The following SYNE2 variants were observed in gnomAD, a reference collection of about 807,000 sequenced individuals.
SYNE2 encodes spectrin repeat containing nuclear envelope protein 2.
A neutral mutation model predicts 856.3 loss-of-function variants in SYNE2; 431 were observed. The observed-to-expected ratio is 0.50, with a 90% CI of 0.47 to 0.55. SYNE2 has a LOEUF of 0.55. Among genes scored for constraint, SYNE2 ranks in the 20% least tolerant of loss-of-function variants. The probability of loss-of-function intolerance (pLI) is 0.00; values close to 1 mark genes in which losing one functional copy is unlikely to be tolerated. For missense variants in SYNE2, 8,129 were observed against 8,023.2 expected (o/e 1.01, Z -0.50); for synonymous variants, 2,923 against 2,872.3 (o/e 1.02, Z -0.56).
intron 2 of SYNE2, among the ~76,000 whole-genome samples, chr14:63,909,944 G>GTATA (rs1398106863): frequency 6.6e-6 from 1 of 152,222 alleles, no homozygotes; most frequent in Non-Finnish European, 1.5e-5. Context: ...ATGTGTGCAT[G>GTATA]TATATAAGTG....
chr14:63,853,569 C>A (rs923259632), intron 1 of SYNE2, among the ~76,000 whole-genome samples: 1 of 151,688 alleles, frequency 6.6e-6, no homozygotes, highest in Non-Finnish European at 1.5e-5. Context: ...TCATTCCTCG[C>A]GTCACGCCTG....
chr14:63,818,035 A>AAAC lies in SYNE2; in HGVS notation c.-304-34464_-304-34463insCAA, dbSNP rs1555341602. On this transcript the variant is annotated intron_variant, in intron 1 of 23. Coordinates refer to the SYNE2 transcript ENST00000674003. ...GTGAGACCCTTTCTCAAAAAAAAAA[A>AAAC]AAAAAAAAAAACAAATAAATAAAAA... 2.7e-5 allele frequency among the ~76,000 whole-genome samples: 4 copies of AAAC among 148,784 alleles called. No individual in the cohort carries two copies. The East Asian group carries it at 5.9e-4, about 22-fold the overall frequency.
At chr14:64,018,963 T>C (rs974132083) in intron 34 of SYNE2, among the ~76,000 whole-genome samples, 5 of 152,204 alleles carry the variant, frequency 3.3e-5, no homozygotes, top group African/African-American at 1.2e-4. Flanking sequence ...ACATATTATT[T>C]GTTTGTATCA....
chr14:64,121,908 T>A (rs931060805), intron 68 of SYNE2, 104 bp from the exon 69 acceptor site: 8 of 1,465,816 alleles, frequency 5.5e-6, no homozygotes. Flanking sequence ...TAATTAATGA[T>A]TTAGGAACTG....
At chr14:63,948,782 G>GTGTATATATATATATA (rs1454688156) in intron 6 of SYNE2, among the ~76,000 whole-genome samples, 3 of 43,902 alleles carry the variant, frequency 6.8e-5, no homozygotes, top group Non-Finnish European at 4.5e-5. Context: ...ATGTGTGTGT[G>GTGTATATATATATATA]TATATATATA....
chr14:63,836,403 A>T (rs761422761), intron 1 of SYNE2, among the ~76,000 whole-genome samples: 1 of 152,228 alleles, frequency 6.6e-6, no homozygotes, highest in Admixed American at 6.6e-5. Flanking sequence ...AGACAACAAT[A>T]TAAGACTGTT....
At chr14:64,145,468 A>G (rs60378481) in intron 83 of SYNE2, among the ~76,000 whole-genome samples, 5,596 of 147,894 alleles carry the variant, frequency 0.038, 319 homozygotes, top group African/African-American at 0.13. Flanking sequence ...AGATTGCACC[A>G]TTGCACTCCA....
chr14:63,815,289 A>G (rs1229600210), intron 1 of SYNE2, among the ~76,000 whole-genome samples: 8 of 83,908 alleles, frequency 9.5e-5, no homozygotes, highest in Non-Finnish European at 2.3e-4. Flanking sequence ...TTAAACTCAC[A>G]GGATCACAAG....
chr14:63,919,963 A>G (rs2095577249), intron 2 of SYNE2, among the ~76,000 whole-genome samples: 1 of 114,460 alleles, frequency 8.7e-6, no homozygotes. Context: ...GGCACATGAT[A>G]AAAGGTAAGT....
Position 64,053,031 on chromosome 14 carries a change from A to T in SYNE2, c.9118A>T (p.Thr3040Ser). 6.2e-7 allele frequency: 1 copy of T among 1,613,762 alleles called. No homozygotes were observed. Among genetic ancestry groups the T allele is most frequent in the Non-Finnish European group, 8.5e-7 (1 of 1,179,968 alleles). The change falls in exon 48 of 116, where the codon ACA (threonine) becomes TCA (serine). Residue 3040 changes from threonine to serine, a missense_variant. Thr to Ser is a moderately conservative substitution (Grantham distance 58). Transcript: ENST00000555002. ...TGAAGAAAAAATTAAGCAGTTGGAC[A>T]CATTTGAGGAAGAACATGGCAAATA... is the stretch of plus-strand genomic sequence containing the variant. The part of the protein sequence containing the change: ...ELEEKIKQLD[T>S]FEEEHGKYQA...
chr14:63,998,735 G>A (rs1239648544), intron 26 of SYNE2, among the ~76,000 whole-genome samples, 179 bp from the exon 27 acceptor site: 3 of 152,028 alleles, frequency 2.0e-5, no homozygotes, highest in Non-Finnish European at 2.9e-5. Flanking sequence ...CTAATTTTTT[G>A]TAGTTTTAGT....
chr14:63,786,410 A>C lies in SYNE2; in HGVS notation c.-305+24424A>C, dbSNP rs541234261. Among the ~76,000 whole-genome samples, 7 of 152,338 alleles carry C rather than the reference A, an allele frequency of 4.6e-5. No homozygotes were observed. In the South Asian group the frequency reaches 1.4e-3, roughly 32 times the overall value. On this transcript the variant is annotated intron_variant, in intron 1 of 23. Transcript: ENST00000674003. ...GTGATAGAGCGAGATTGTCTCAAAA[A>C]GAAAAAAGAAAAACAGCACTGCCCT...
rs534112584 is a variant in SYNE2, at chr14:64,214,564, C to G, written c.19333+94C>G. ...CGGCCAGCTCTCAATGACCAAGAGTCCATCTTGTGGCCGACCCTGACTTCT... is the reference window on the plus strand; with the variant it reads ...CGGCCAGCTCTCAATGACCAAGAGTGCATCTTGTGGCCGACCCTGACTTCT... On this transcript the variant is annotated intron_variant, in intron 106 of 115. Transcript: ENST00000555002. 692 of 1,293,916 alleles carry G rather than the reference C, an allele frequency of 5.3e-4. 3 individuals carry two copies. The African/African-American group carries it at 9.3e-3, about 17-fold the overall frequency. 80.2% of individuals were successfully genotyped at this position (1,293,916 alleles called of 1,614,324 possible).
At chr14:63,842,307 G>C (rs1363918683) in intron 1 of SYNE2, among the ~76,000 whole-genome samples, 2 of 151,688 alleles carry the variant, frequency 1.3e-5, no homozygotes, top group Non-Finnish European at 2.9e-5. Context: ...GAGTAGCTGG[G>C]ATCACAGGCT....
At chr14:64,005,138 T>C (rs1047107577) in intron 30 of SYNE2, among the ~76,000 whole-genome samples, 5 of 152,166 alleles carry the variant, frequency 3.3e-5, no homozygotes, top group Admixed American at 2.0e-4. Flanking sequence ...GCAGGAACTT[T>C]TAGGCTGTTT....
chr14:63,890,020 T>G (rs1232115064), intron 1 of SYNE2, among the ~76,000 whole-genome samples: 1 of 151,974 alleles, frequency 6.6e-6, no homozygotes, highest in African/African-American at 2.4e-5. Context: ...AGGGCCCCTT[T>G]CTGGAGTGGT....
At chr14:64,170,590 G>C in intron 94 of SYNE2, 128 bp downstream of exon 94, 1 of 946,706 alleles carries the variant, frequency 1.1e-6, no homozygotes, top group Non-Finnish European at 1.6e-6. Context: ...TGTGAGGCCA[G>C]CAAGGTGCAG....
intron 1 of SYNE2, among the ~76,000 whole-genome samples, chr14:63,785,002 CTT>C (rs377115612): frequency 4.6e-5 from 7 of 152,030 alleles, no homozygotes; most frequent in African/African-American, 1.7e-4. Context: ...AACACAAGCT[CTT>C]TGTGTTAAGT....
At position 63,995,730 on chromosome 14, in the gene SYNE2, CATCT is replaced by C. The variant is rs373410347; in HGVS notation, c.2940+562_2940+565del. ...TGCTTTATATAATTCTATATCTATC[CATCT>C]ATCTATCTATCTATCTATCTATCTA... On this transcript the variant is annotated intron_variant, in intron 23 of 115. Transcript: ENST00000555002. 1.5e-3 allele frequency among the ~76,000 whole-genome samples: 166 copies of C among 113,526 alleles called. 1 individual carries two copies. The highest frequency in any genetic ancestry group is 2.5e-3 in the Admixed American group (31 of 12,446). The allele number at this position is 113,526 out of a possible 152,430, so 74.5% of individuals were successfully genotyped here. A position where few individuals can be genotyped will look rare whatever the true frequency, so the allele number is the denominator to read the frequency against.
Sources: allele counts gnomAD v4.1 joint callset (sites outside exome capture counted in the v4.1 genomes callset), GRCh38; gene constraint gnomAD v4.1.1; transcripts MANE v1.5; gene names NCBI Gene and HGNC (gene_info 2026-07-23, HGNC 2026-07-21).